Variants in KCNG2 observed in about 807,000 individuals in gnomAD.
The protein encoded by KCNG2 is voltage-gated potassium channel regulatory subunit KCNG2.
A neutral mutation model predicts 12.3 loss-of-function variants in KCNG2; 7 were observed. The observed-to-expected ratio is 0.57, with a 90% confidence interval of 0.32 to 1.07. The LOEUF (loss-of-function observed/expected upper bound fraction) is 1.07, where lower values mean the gene tolerates loss of function less well. KCNG2 is among the 50% of genes least tolerant of loss of function. The probability of loss-of-function intolerance (pLI) is 0.04; values close to 1 mark genes in which losing one functional copy is unlikely to be tolerated. For synonymous variants in KCNG2, 414 were observed against 351.4 expected (o/e 1.18, Z -1.99); for missense variants, 703 against 726.0 (o/e 0.97, Z 0.36).
intron 1 of KCNG2, among the ~76,000 whole-genome samples, chr18:79,823,851 G>A (rs1053228382): frequency 7.9e-5 from 12 of 152,150 alleles, no homozygotes; most frequent in African/African-American, 2.2e-4. Context: ...CCTCCACAGC[G>A]CCAAGTCTCC....
At chr18:79,817,667 C>T (rs978560869) in intron 1 of KCNG2, among the ~76,000 whole-genome samples, 5 of 152,250 alleles carry the variant, frequency 3.3e-5, no homozygotes, top group African/African-American at 1.2e-4. Context: ...TCCCTGAGGG[C>T]ACAGTCAGTG....
rs2087575465 is a variant in KCNG2 at position 79,822,155 on chromosome 18, A to C, written c.-115+24141A>C. On this transcript the variant is annotated intron_variant, in intron 1 of 3. Coordinates refer to ENST00000316249, the MANE Select transcript of KCNG2 (RefSeq NM_012283.2). The surrounding 1 kb of genome is among the most constrained non-coding windows in gnomAD (Gnocchi z 4.4). Reference sequence around the variant, plus strand: ...AAGCAGGAAATGTTAGATTTTTAAAAGCTTTTTATTTGAACGATTTTTAGA... The same window carrying C: ...AAGCAGGAAATGTTAGATTTTTAAACGCTTTTTATTTGAACGATTTTTAGA... 6.6e-6 allele frequency among the ~76,000 whole-genome samples: 1 copy of C among 152,160 alleles called. No individual in the cohort carries two copies. The highest frequency in any genetic ancestry group is 1.5e-5 in the Non-Finnish European group (1 of 68,024).
intron 1 of KCNG2, among the ~76,000 whole-genome samples, chr18:79,827,228 G>A (rs1035047141): frequency 9.2e-5 from 14 of 152,254 alleles, no homozygotes; most frequent in African/African-American, 3.4e-4. Flanking sequence ...CACCCTCCAG[G>A]CCTCAGTGGT....
At chr18:79,887,846 C>T (rs575558689) in intron 3 of KCNG2, among the ~76,000 whole-genome samples, 21 of 152,284 alleles carry the variant, frequency 1.4e-4, no homozygotes, top group African/African-American at 3.6e-4. Flanking sequence ...CAGGGATCCA[C>T]GCAGCAGCCC....
Position 79,899,545 on chromosome 18 carries a change from C to T in KCNG2, c.1130C>T (p.Pro377Leu). Residue 377 changes from proline to leucine, a missense_variant, in exon 4 of 4, where the codon CCG (proline) becomes CTG (leucine). Physicochemically the swap from Pro to Leu is moderately conservative, Grantham distance 98. Coordinates refer to ENST00000316249, the MANE Select transcript of KCNG2 (RefSeq NM_012283.2). ...MTTVGYGDMV[P>L]RSLPGQVVAL... Reference sequence around the variant, plus strand: ...ACCGTGGGCTACGGCGACATGGTCCCGCGCAGCCTGCCCGGGCAGGTGGTG... The same window carrying T: ...ACCGTGGGCTACGGCGACATGGTCCTGCGCAGCCTGCCCGGGCAGGTGGTG... 4 of 1,604,564 alleles carry T rather than the reference C, an allele frequency of 2.5e-6. No individual in the cohort carries two copies. Among genetic ancestry groups the T allele is most frequent in the East Asian group, 4.5e-5 (2 of 44,208 alleles).
intron 1 of KCNG2, among the ~76,000 whole-genome samples, chr18:79,807,843 C>T (rs866653496): frequency 1.2e-5 from 1 of 80,646 alleles, no homozygotes; most frequent in Non-Finnish European, 2.5e-5. Flanking sequence ...GCTGCCGGGG[C>T]CGCGCTGACC....
rs1979341569 is a variant in KCNG2, at chr18:79,864,013, G to A, written c.346G>A (p.Glu116Lys). Reference protein sequence around the residue: ...AYWGIDEARLERCCLRRLRRR... With the variant: ...AYWGIDEARLKRCCLRRLRRR... The stretch of plus-strand genomic sequence containing the variant: ...CTGGGGCATCGACGAGGCGCGCCTG[G>A]AGCGCTGCTGCCTGCGCCGCCTGCG... The change falls in exon 3 of 4, where the codon GAG (glutamate) becomes AAG (lysine). Residue 116 changes from glutamate to lysine, a missense_variant. By Grantham distance (56) the Glu-to-Lys change is moderately conservative (BLOSUM62 1). Coordinates refer to ENST00000316249, the MANE Select transcript of KCNG2 (RefSeq NM_012283.2). 1.7e-6 allele frequency: 2 copies of A among 1,174,444 alleles called. No individual in the cohort carries two copies. Among genetic ancestry groups the A allele is most frequent in the African/African-American group, 1.6e-5 (1 of 61,462 alleles). 72.8% of individuals were successfully genotyped at this position (1,174,444 alleles called of 1,614,324 possible).
At chr18:79,853,706 G>A (rs192415357) in intron 1 of KCNG2, among the ~76,000 whole-genome samples, 2 of 152,370 alleles carry the variant, frequency 1.3e-5, no homozygotes, top group African/African-American at 2.4e-5. Flanking sequence ...GCACGTAGCT[G>A]TGGGTGACCC....
chr18:79,893,239 T>C (rs189332726), intron 3 of KCNG2, among the ~76,000 whole-genome samples: 1 of 152,256 alleles, frequency 6.6e-6, no homozygotes, highest in East Asian at 1.9e-4. Flanking sequence ...TTGATATAGC[T>C]GGGTCTGTGT....
chr18:79,883,190 C>G (rs1568270052), intron 3 of KCNG2, among the ~76,000 whole-genome samples: 1 of 149,070 alleles, frequency 6.7e-6, no homozygotes, highest in Non-Finnish European at 1.5e-5. Flanking sequence ...CAGGAAGCCA[C>G]GCTGCGATCC....
At chr18:79,874,816 C>G (rs940768004) in intron 3 of KCNG2, among the ~76,000 whole-genome samples, 19 of 152,324 alleles carry the variant, frequency 1.2e-4, no homozygotes, top group African/African-American at 4.1e-4. Context: ...AGGGCTCTGC[C>G]ACGGTCACGT....
intron 1 of KCNG2, among the ~76,000 whole-genome samples, chr18:79,854,492 T>G (rs1978937978): frequency 6.6e-6 from 1 of 151,852 alleles, no homozygotes; most frequent in African/African-American, 2.4e-5. Context: ...TCCGTAAGGC[T>G]GGTAAAATCC....
intron 3 of KCNG2, among the ~76,000 whole-genome samples, chr18:79,885,194 C>T (rs1257420868): frequency 6.6e-6 from 1 of 152,172 alleles, no homozygotes; most frequent in East Asian, 1.9e-4. Context: ...GGAGCCGGCC[C>T]TGGCACCCCA....
chr18:79,884,213 C>T lies in KCNG2; in HGVS notation c.625-14827C>T, dbSNP rs568531884. Among the ~76,000 whole-genome samples the T allele has an allele frequency of 6.6e-6, 1 of 152,050 alleles. No individual in the cohort carries two copies. The highest frequency in any genetic ancestry group is 2.4e-5 in the African/African-American group (1 of 41,496). ...AAGCTGCAGGGGCTCCGTCCCCATGCCCCTCCCCATGCCCCATGTCCCTGT... is the reference window on the plus strand; with the variant it reads ...AAGCTGCAGGGGCTCCGTCCCCATGTCCCTCCCCATGCCCCATGTCCCTGT... On this transcript the variant is annotated intron_variant, in intron 3 of 3. Transcript: ENST00000316249. The surrounding 1 kb of genome is among the most constrained non-coding windows in gnomAD (Gnocchi z 5.5).
intron 2 of KCNG2, among the ~76,000 whole-genome samples, chr18:79,861,164 A>T (rs902285947): frequency 6.6e-6 from 1 of 152,062 alleles, no homozygotes; most frequent in Non-Finnish European, 1.5e-5. Context: ...ATAAATCTCT[A>T]TGGTAAACGA....
chr18:79,836,106 G>C (rs539849236), intron 1 of KCNG2, among the ~76,000 whole-genome samples: 2 of 152,180 alleles, frequency 1.3e-5, no homozygotes, highest in Non-Finnish European at 2.9e-5. Flanking sequence ...TTAAAAGCAT[G>C]ACCCAATGAT....
At chr18:79,879,614 C>G (rs1980215200) in intron 3 of KCNG2, among the ~76,000 whole-genome samples, 1 of 152,154 alleles carries the variant, frequency 6.6e-6, no homozygotes, top group South Asian at 2.1e-4. Flanking sequence ...GATGAAAAGG[C>G]AGGGGGAAGA....
chr18:79,880,978 C>G (rs1555695924), intron 3 of KCNG2, among the ~76,000 whole-genome samples: 4 of 152,074 alleles, frequency 2.6e-5, no homozygotes, highest in Non-Finnish European at 2.9e-5. Flanking sequence ...GAACATCTAC[C>G]AAAAAAACCC....
chr18:79,866,727 G>A (rs1356267104), intron 3 of KCNG2, among the ~76,000 whole-genome samples: 11 of 83,530 alleles, frequency 1.3e-4, no homozygotes, highest in African/African-American at 4.0e-4. Context: ...TGTGCTGAGA[G>A]GTCTGGGTAC....
Sources: gnomAD v4.1 joint callset for allele counts (sites outside exome capture counted in the v4.1 genomes callset) on GRCh38, gnomAD v4.1.1 for gene constraint, Gnocchi (gnomAD v3.1) non-coding constraint, MANE v1.5 for transcripts, NCBI Gene and HGNC (gene_info 2026-07-23, HGNC 2026-07-21) for gene names.